Variants in EEF2K observed in about 807,000 individuals in gnomAD.
EEF2K encodes the protein eukaryotic elongation factor 2 kinase.
A neutral mutation model predicts 93.8 loss-of-function variants in EEF2K; 70 were observed. That is an observed-to-expected ratio of 0.75 (90% CI 0.62 to 0.91). The LOEUF (loss-of-function observed/expected upper bound fraction) is 0.91, where lower values mean the gene tolerates loss of function less well. EEF2K is among the 40% of genes least tolerant of loss of function. The pLI is 0.00. For synonymous variants in EEF2K, 376 were observed against 380.8 expected, an observed-to-expected ratio of 0.99 and a Z score of 0.15; for missense variants, 935 against 972.9, an observed-to-expected ratio of 0.96 and a Z score of 0.52.
At chr16:22,245,060 A>G (rs1346478889) in intron 3 of EEF2K, among the ~76,000 whole-genome samples, 2 of 151,944 alleles carry the variant, frequency 1.3e-5, no homozygotes, top group African/African-American at 2.4e-5. Context: ...TCAGGAGTTC[A>G]AGACCAGCCT....
intron 2 of EEF2K, among the ~76,000 whole-genome samples, chr16:22,229,881 T>C (rs1488846407): frequency 6.6e-6 from 1 of 152,184 alleles, no homozygotes; most frequent in Non-Finnish European, 1.5e-5. Context: ...AAAATAATCT[T>C]CCATAACTTC....
intron 6 of EEF2K, 81 bp from the exon 7 acceptor site, chr16:22,256,667 T>A: frequency 2.0e-6 from 3 of 1,502,064 alleles, no homozygotes; most frequent in Non-Finnish European, 2.7e-6. Context: ...GCAGGCGAGT[T>A]CCTCTGAGCC....
At chr16:22,237,115 T>G (rs1398269841) in intron 2 of EEF2K, among the ~76,000 whole-genome samples, 8 of 151,380 alleles carry the variant, frequency 5.3e-5, no homozygotes, top group African/African-American at 1.9e-4. Flanking sequence ...CAGCTAATTT[T>G]TATATTTTTT....
At chr16:22,270,914 A>T (rs9927408) in intron 15 of EEF2K, among the ~76,000 whole-genome samples, 1 of 150,364 alleles carries the variant, frequency 6.7e-6, no homozygotes, top group African/African-American at 2.5e-5. Context: ...CTCTCTCTCT[A>T]TATATATGTG....
In EEF2K at chr16:22,286,616, A is replaced by C. The variant is rs2047755643; in HGVS notation, c.*2620A>C. On this transcript the variant is annotated 3_prime_UTR_variant, in exon 18 of 18. Coordinates refer to ENST00000263026, the MANE Select transcript of EEF2K (RefSeq NM_013302.5). ...AATGAGTGTGGCTGGTGTTCCAATA[A>C]AACTTTATTTACACAAACGGGTGGC... 6.6e-6 allele frequency: 1 copy of C among 152,208 alleles called. No homozygotes were observed. 9.4% of individuals were successfully genotyped at this position (152,208 alleles called of 1,614,324 possible). A position where few individuals can be genotyped will look rare whatever the true frequency, so the allele number is the denominator to read the frequency against.
intron 6 of EEF2K, among the ~76,000 whole-genome samples, chr16:22,254,324 G>A (rs1037461559): frequency 1.1e-4 from 17 of 152,054 alleles, no homozygotes; most frequent in Non-Finnish European, 1.3e-4. Context: ...TCTGAGAACC[G>A]CCGCTCCCTG....
intron 2 of EEF2K, among the ~76,000 whole-genome samples, chr16:22,226,325 CT>C (rs935058417): frequency 0.29 from 18,754 of 63,658 alleles, 1,991 homozygotes; most frequent in East Asian, 0.68. Context: ...AGGTGCTGTT[CT>C]TTTTTTTTTT....
intron 1 of EEF2K, among the ~76,000 whole-genome samples, chr16:22,214,783 T>A (rs1477640498): frequency 6.6e-6 from 1 of 152,220 alleles, no homozygotes; most frequent in East Asian, 1.9e-4. Flanking sequence ...GGAAAGGGAT[T>A]CCAGGCAGAG....
intron 6 of EEF2K, among the ~76,000 whole-genome samples, chr16:22,255,025 C>T (rs544725396): frequency 7.9e-5 from 12 of 152,178 alleles, no homozygotes; most frequent in Middle Eastern, 3.4e-3. Context: ...GAGCCAAGAT[C>T]GTGCCACTGC....
rs1218769203 is a variant in EEF2K at position 22,225,744 on chromosome 16, T to G, written c.15T>G (p.Asp5Glu). The G allele has an allele frequency of 6.2e-7, 1 of 1,613,994 alleles. No homozygotes were observed. The highest frequency in any genetic ancestry group is 2.2e-5 in the East Asian group (1 of 44,892). MADE[D>E]LIFRLEGVDG... is the part of the protein sequence containing the mutation. ...ACCCCAGGAACATGGCAGACGAAGA[T>G]CTCATCTTCCGCCTGGAAGGCGTTG... The change falls in exon 2 of 18, where the codon GAT becomes GAG. Residue 5 changes from aspartate to glutamate, a missense_variant. Physicochemically the swap from Asp to Glu is conservative, Grantham distance 45. Transcript: ENST00000263026.
intron 16 of EEF2K, among the ~76,000 whole-genome samples, chr16:22,277,290 C>T (rs1273791232): frequency 6.6e-6 from 1 of 152,144 alleles, no homozygotes; most frequent in African/African-American, 2.4e-5. Flanking sequence ...CCATGCACCA[C>T]CATACCCAAC....
At position 22,284,187 on chromosome 16, in the gene EEF2K, A is replaced by G; in HGVS notation, c.*191A>G. 3.4e-6 allele frequency: 2 copies of G among 596,692 alleles called. No individual in the cohort carries two copies. The highest frequency in any genetic ancestry group is 2.1e-5 in the South Asian group (1 of 48,246). 37.0% of individuals were successfully genotyped at this position (596,692 alleles called of 1,614,324 possible). ...CTTGGCAGCTACCAGCAGAGACTCT[A>G]TAGCTGTCTCTTAGGGCAGTATTTT... On this transcript the variant is annotated 3_prime_UTR_variant, in exon 18 of 18. Transcript: ENST00000263026.
At chr16:22,282,469 C>A (rs1006544171) in intron 17 of EEF2K, among the ~76,000 whole-genome samples, 1 of 152,178 alleles carries the variant, frequency 6.6e-6, no homozygotes, top group Non-Finnish European at 1.5e-5. Context: ...AGAATATGAA[C>A]GTCCCCTCCA....
At chr16:22,226,042 T>C (rs1465329297) in intron 2 of EEF2K, 67 bp downstream of exon 2, 8 of 1,580,808 alleles carry the variant, frequency 5.1e-6, no homozygotes, top group Non-Finnish European at 6.9e-6. Context: ...AGGGTTGGAG[T>C]CGCTGGTTGG....
At position 22,273,630 on chromosome 16, in the gene EEF2K, C is replaced by A; in HGVS notation, c.1769C>A (p.Thr590Lys). The change falls in exon 16 of 18, where the codon ACA becomes AAA. Residue 590 changes from threonine (T) to lysine (K), a missense_variant. By Grantham distance (78) the Thr-to-Lys change is moderately conservative (BLOSUM62 -1). Coordinates refer to ENST00000263026, the MANE Select transcript of EEF2K (RefSeq NM_013302.5). ...CTCTTTGGTTTGTATCAACAGGAGA[C>A]AGAAGAGAACAAAACCAAAGGATTT... ...HILADVSLKE[T>K]EENKTKGFDY... 2 of 1,614,082 alleles carry A rather than the reference C, an allele frequency of 1.2e-6. No homozygotes were observed. Among genetic ancestry groups the A allele is most frequent in the Non-Finnish European group, 1.7e-6 (2 of 1,179,988 alleles).
intron 16 of EEF2K, among the ~76,000 whole-genome samples, chr16:22,278,503 C>T (rs1211773851): frequency 1.3e-5 from 2 of 152,064 alleles, no homozygotes; most frequent in African/African-American, 4.8e-5. Flanking sequence ...GAGCAGGCAT[C>T]GTTGGGGAAT....
chr16:22,248,388 A>G (rs1375968562), intron 3 of EEF2K, among the ~76,000 whole-genome samples: 1 of 152,020 alleles, frequency 6.6e-6, no homozygotes, highest in Non-Finnish European at 1.5e-5. Context: ...GCATCCACAC[A>G]CACTGGGTCC....
chr16:22,244,766 G>A (rs1192781803), intron 3 of EEF2K, 36 bp downstream of exon 3: 1 of 1,606,096 alleles, frequency 6.2e-7, no homozygotes, highest in Non-Finnish European at 8.5e-7. Flanking sequence ...GGAGTCCTGG[G>A]GGCTATACGT....
At chr16:22,259,384 T>G (rs1232096977) in intron 10 of EEF2K, among the ~76,000 whole-genome samples, 1 of 152,200 alleles carries the variant, frequency 6.6e-6, no homozygotes, top group Non-Finnish European at 1.5e-5. Context: ...TTTGATACCT[T>G]TGAAAGAGAG....
Sources: allele counts gnomAD v4.1 joint callset (sites outside exome capture counted in the v4.1 genomes callset), GRCh38; gene constraint gnomAD v4.1.1; transcripts MANE v1.5; gene names NCBI Gene and HGNC (gene_info 2026-07-23, HGNC 2026-07-21).